The following SLC12A9 variants were observed in gnomAD, a reference collection of about 807,000 sequenced individuals.
The protein encoded by SLC12A9 is solute carrier family 12 member 9.
Under a neutral mutation model 66.0 loss-of-function variants are expected in SLC12A9, and 55 were observed. The observed-to-expected ratio is 0.83, with a 90% CI of 0.67 to 1.04. The LOEUF (loss-of-function observed/expected upper bound fraction) is 1.04. Among genes scored for constraint, SLC12A9 ranks in the 50% least tolerant of loss-of-function variants. SLC12A9 has a pLI of 0.00. For synonymous variants in SLC12A9, 577 were observed against 569.0 expected (o/e 1.01, Z -0.20); for missense variants, 1,061 against 1,241.9 (o/e 0.85, Z 2.19).
At chr7:100,843,493 C>A (rs117345845) in intron 1 of SLC12A9, among the ~76,000 whole-genome samples, 2 of 152,200 alleles carry the variant, frequency 1.3e-5, no homozygotes, top group African/African-American at 4.8e-5. Flanking sequence ...TTACACCCTA[C>A]GTGTCAGAAA....
rs1187631157 is a variant in SLC12A9, at chr7:100,846,444, G to A, written n.229-13441G>A. On this transcript the variant is annotated intron_variant and non_coding_transcript_variant, in intron 1 of 1. Transcript: ENST00000461016. ...GAGCCGGGCGTGGTGGCGGGCGCCT[G>A]TAGTCCCAGTTACTCGGGAGGCTGA... Among the ~76,000 whole-genome samples, 7 of 152,102 alleles carry A rather than the reference G, an allele frequency of 4.6e-5. 1 individual carries two copies. Among genetic ancestry groups the A allele is most frequent in the Non-Finnish European group, 8.8e-5 (6 of 68,030 alleles).
At chr7:100,860,449 T>C in intron 9 of SLC12A9, 2 of 571,008 alleles carry the variant, frequency 3.5e-6, no homozygotes, top group South Asian at 4.4e-5. Flanking sequence ...CCCTGGGAGG[T>C]TCACTGGCAC....
At position 100,854,836 on chromosome 7, in the gene SLC12A9, G is replaced by A; in HGVS notation, c.316+82G>A. The stretch of plus-strand genomic sequence containing the variant: ...GTGGAAGGGGCCATTACCTTTGTTG[G>A]CTCAGGGGCAAGACAAGTGTTTTTT... On this transcript the variant is annotated intron_variant, in intron 3 of 13. Coordinates refer to ENST00000354161, the MANE Select transcript of SLC12A9 (RefSeq NM_020246.4). The A allele has an allele frequency of 3.2e-6, 5 of 1,553,598 alleles. No individual in the cohort carries two copies. The South Asian group carries it at 4.6e-5, about 14-fold the overall frequency.
At chr7:100,828,603 T>C (rs1813477414) in intron 1 of SLC12A9, among the ~76,000 whole-genome samples, 1 of 126,840 alleles carries the variant, frequency 7.9e-6, no homozygotes, top group Non-Finnish European at 1.6e-5. Flanking sequence ...GGGTGAGGGG[T>C]CCGGCTAGAT....
chr7:100,850,061 C>A (rs535149794), upstream of SLC12A9, among the ~76,000 whole-genome samples: 1 of 151,934 alleles, frequency 6.6e-6, no homozygotes, highest in East Asian at 1.9e-4. Flanking sequence ...TTAGTAGAGA[C>A]AGGGTTTCCC....
chr7:100,845,492 G>A (rs957749801), intron 1 of SLC12A9, among the ~76,000 whole-genome samples: 2 of 152,002 alleles, frequency 1.3e-5, no homozygotes, highest in African/African-American at 4.8e-5. Flanking sequence ...TGGGACTACA[G>A]GAGCCCGCCA....
chr7:100,850,181 TTCCCTCCCTCCCTTCTTTCCTTCCC>T (rs980518659), upstream of SLC12A9, among the ~76,000 whole-genome samples: 6 of 151,164 alleles, frequency 4.0e-5, no homozygotes, highest in Non-Finnish European at 7.4e-5. Flanking sequence ...CCTCCTTCTT[TTCCCTCCCTCCCTTCTTTCCTTCCC>T]TCCCTCCCTC....
chr7:100,863,237 G>T (rs58194245), intron 13 of SLC12A9, among the ~76,000 whole-genome samples: 14,476 of 151,882 alleles, frequency 0.095, 1,225 homozygotes, highest in African/African-American at 0.22. Context: ...GCTAATTTTT[G>T]TATTTTTAGT....
chr7:100,829,278 G>A (rs1429217633), intron 1 of SLC12A9, among the ~76,000 whole-genome samples: 2 of 152,114 alleles, frequency 1.3e-5, no homozygotes, highest in Non-Finnish European at 2.9e-5. Flanking sequence ...GTTAGCCACC[G>A]CGCCCAGCCG....
intron 4 of SLC12A9, 114 bp downstream of exon 4, chr7:100,855,951 C>G: frequency 6.9e-7 from 1 of 1,457,680 alleles, no homozygotes; most frequent in Non-Finnish European, 9.1e-7. Flanking sequence ...ATTACCTTGG[C>G]TTTCTGGAGC....
chr7:100,848,990 GTTTTTTT>G (rs1270161523), upstream of SLC12A9, among the ~76,000 whole-genome samples: 2 of 142,962 alleles, frequency 1.4e-5, no homozygotes, highest in African/African-American at 2.5e-5. Context: ...TTAGTTTTTT[GTTTTTTT>G]TTTTTTGAGA....
Position 100,860,014 on chromosome 7 carries a change from C to T in SLC12A9, c.1107C>T (p.Leu369=), listed in dbSNP as rs2116621337. The change falls in exon 8 of 14, where the codon CTC becomes CTT. Residue 369 remains leucine, a synonymous_variant. Coordinates refer to ENST00000354161, the MANE Select transcript of SLC12A9 (RefSeq NM_020246.4). ...CGCTCATTGGTGCCTCCCGCATCCT[C>T]CATGCCCTGGCCCGGGATGACCTCT... ...MSSLIGASRI[L]HALARDDLFG... 1.2e-6 allele frequency: 2 copies of T among 1,614,072 alleles called. No individual in the cohort carries two copies. Among genetic ancestry groups the T allele is most frequent in the Non-Finnish European group, 1.7e-6 (2 of 1,179,920 alleles).
intron 3 of SLC12A9, chr7:100,855,458 G>GC (rs1185867016): frequency 2.0e-5 from 9 of 444,958 alleles, no homozygotes; most frequent in African/African-American, 1.4e-4. Flanking sequence ...CAGCAGGCAG[G>GC]CTGGTATAGT....
intron 1 of SLC12A9, among the ~76,000 whole-genome samples, chr7:100,841,352 A>T (rs779518298): frequency 1.2e-4 from 18 of 152,148 alleles, no homozygotes; most frequent in Middle Eastern, 3.4e-3. Context: ...CAAGGTGTAT[A>T]AGAAAAGTAA....
intron 6 of SLC12A9, 47 bp downstream of exon 6, chr7:100,858,989 G>C (rs314374): frequency 0.48 from 771,564 of 1,612,112 alleles, 193,132 homozygotes; most frequent in East Asian, 0.82. Context: ...GGCTGCCACC[G>C]TGAGGGACCC....
Position 100,860,148 on chromosome 7 carries a change from A to C in SLC12A9, c.1136-2A>C. ...TGTCTGCTGTGGATTCTGTTTTTCT[A>C]GGCGTGATCTTGGCACCGGCCAAGG... On this transcript the variant is annotated splice_acceptor_variant, in intron 8 of 13. Transcript: ENST00000354161. LOFTEE classifies it high-confidence loss of function. 1 of 1,614,086 alleles carries C rather than the reference A, an allele frequency of 6.2e-7. No individual in the cohort carries two copies. The highest frequency in any genetic ancestry group is 8.5e-7 in the Non-Finnish European group (1 of 1,180,012).
intron 1 of SLC12A9, among the ~76,000 whole-genome samples, chr7:100,834,340 G>T (rs923082234): frequency 6.6e-6 from 1 of 152,152 alleles, no homozygotes; most frequent in Non-Finnish European, 1.5e-5. Context: ...AGGTCATTAC[G>T]GGTTTTTGCA....
chr7:100,834,734 G>A (rs951198614), intron 1 of SLC12A9, among the ~76,000 whole-genome samples: 18 of 152,096 alleles, frequency 1.2e-4, no homozygotes, highest in Admixed American at 1.1e-3. Flanking sequence ...TTAGCCAGGC[G>A]TGGTGGAGCA....
chr7:100,854,078 A>C, intron 1 of SLC12A9, 78 bp from the exon 2 acceptor site: 1 of 925,598 alleles, frequency 1.1e-6, no homozygotes, highest in Non-Finnish European at 1.6e-6. Context: ...GGGAGGCTTC[A>C]GGGTGTTTGA....
Sources: allele counts gnomAD v4.1 joint callset (sites outside exome capture counted in the v4.1 genomes callset), GRCh38; gene constraint gnomAD v4.1.1; transcripts MANE v1.5; gene names NCBI Gene and HGNC (gene_info 2026-07-23, HGNC 2026-07-21).